The following EBF2 variants were observed in gnomAD, a reference collection of about 807,000 sequenced individuals.
EBF2 encodes the protein EBF transcription factor 2.
In EBF2, 21 loss-of-function variants were observed where a neutral mutation model predicts 72.8. The ratio of observed to expected loss-of-function variants is 0.29; its 90% CI spans 0.20 to 0.42. The LOEUF (loss-of-function observed/expected upper bound fraction) is 0.42. EBF2 is among the 10% of genes least tolerant of loss of function. The pLI is 1.00. For synonymous variants in EBF2, 299 were observed against 274.2 expected, an observed-to-expected ratio of 1.09 and a Z score of -0.89; for missense variants, 637 against 731.2, an observed-to-expected ratio of 0.87 and a Z score of 1.49.
chr8:25,853,526 A>ATAAT lies in EBF2; in HGVS notation c.1529-2769_1529-2766dup, dbSNP rs529064020. On this transcript the variant is annotated intron_variant, in intron 14 of 15. Coordinates refer to ENST00000520164, the MANE Select transcript of EBF2 (RefSeq NM_022659.4). ...AAAACTTAACAGGGCGGGGAAACAT[A>ATAAT]TAATAATCTTTCTTTTCTAAGGGAA... Among the ~76,000 whole-genome samples the ATAAT allele has an allele frequency of 3.6e-3, 542 of 152,206 alleles. 2 individuals carry two copies. The highest frequency in any genetic ancestry group is 6.1e-3 in the Non-Finnish European group (413 of 67,972).
At position 25,895,003 on chromosome 8, in the gene EBF2, C is replaced by T. The variant is rs558639758; in HGVS notation, c.634-5134G>A. Among the ~76,000 whole-genome samples the T allele has an allele frequency of 3.9e-5, 6 of 152,338 alleles. No individual in the cohort carries two copies. In the East Asian group the frequency reaches 1.2e-3, roughly 29 times the overall value. On this transcript the variant is annotated intron_variant, in intron 7 of 15. Coordinates refer to ENST00000520164, the MANE Select transcript of EBF2 (RefSeq NM_022659.4). ...ACGTGTCTTTTCTAAGGCTGTCACT[C>T]TATTGGCACTGCCATTCTGCTGGCA...
chr8:25,985,548 C>T (rs1316551449), intron 6 of EBF2, among the ~76,000 whole-genome samples: 2 of 152,200 alleles, frequency 1.3e-5, no homozygotes, highest in African/African-American at 2.4e-5. Flanking sequence ...CTTAACCTCT[C>T]TGGGTTTCAG....
At chr8:25,848,049 CTT>C (rs1801874690) in intron 15 of EBF2, among the ~76,000 whole-genome samples, 1 of 151,098 alleles carries the variant, frequency 6.6e-6, no homozygotes, top group Non-Finnish European at 1.5e-5. Flanking sequence ...CCTATAAAAA[CTT>C]TTATCTTTTA....
chr8:25,924,669 C>T (rs1450569923), intron 6 of EBF2, among the ~76,000 whole-genome samples: 2 of 152,148 alleles, frequency 1.3e-5, no homozygotes, highest in African/African-American at 2.4e-5. Flanking sequence ...ATTAAATGAA[C>T]CAACACAGAT....
intron 6 of EBF2, among the ~76,000 whole-genome samples, chr8:25,917,175 G>A (rs889194768): frequency 2.1e-5 from 3 of 146,146 alleles, no homozygotes; most frequent in African/African-American, 7.5e-5. Flanking sequence ...ATGTTGTGAG[G>A]TTTTTGTGTG....
intron 5 of EBF2, among the ~76,000 whole-genome samples, chr8:26,033,838 T>TAAAATAA (rs1343447723): frequency 6.6e-6 from 1 of 152,160 alleles, no homozygotes; most frequent in African/African-American, 2.4e-5. Context: ...CCATGTTTTA[T>TAAAATAA]AAAATAAAAA....
At chr8:25,890,805 A>G (rs1802765252) in intron 7 of EBF2, among the ~76,000 whole-genome samples, 1 of 152,244 alleles carries the variant, frequency 6.6e-6, no homozygotes, top group South Asian at 2.1e-4. Context: ...ACCAGTAAGT[A>G]AGTACAGAAT....
chr8:26,009,107 G>GAAAA (rs66503039), intron 6 of EBF2, among the ~76,000 whole-genome samples: 23 of 85,030 alleles, frequency 2.7e-4, no homozygotes, highest in African/African-American at 1.0e-3. Flanking sequence ...GAGTAAAAGC[G>GAAAA]AAAAAAAAAA....
intron 6 of EBF2, among the ~76,000 whole-genome samples, chr8:25,923,166 T>C (rs1359286183): frequency 6.6e-6 from 1 of 152,172 alleles, no homozygotes; most frequent in Non-Finnish European, 1.5e-5. Context: ...CCAGCCACGC[T>C]GGGAGAAAGG....
intron 7 of EBF2, among the ~76,000 whole-genome samples, chr8:25,902,992 A>C (rs1802979461): frequency 6.6e-6 from 1 of 152,202 alleles, no homozygotes; most frequent in Non-Finnish European, 1.5e-5. Context: ...TGGCCTTCTC[A>C]GCCATGCCTT....
intron 6 of EBF2, among the ~76,000 whole-genome samples, chr8:26,019,562 G>A (rs1241988971): frequency 6.6e-6 from 1 of 152,186 alleles, no homozygotes; most frequent in Non-Finnish European, 1.5e-5. Context: ...AGGACCTATA[G>A]GATCATCTGC....
chr8:25,894,454 C>T (rs1933093556), intron 7 of EBF2, among the ~76,000 whole-genome samples: 1 of 152,144 alleles, frequency 6.6e-6, no homozygotes, highest in African/African-American at 2.4e-5. Flanking sequence ...ACTTCTTTCC[C>T]CTAGTGAGTA....
At chr8:25,846,829 C>T (rs1563371792) in intron 15 of EBF2, among the ~76,000 whole-genome samples, 1 of 152,208 alleles carries the variant, frequency 6.6e-6, no homozygotes, top group East Asian at 1.9e-4. Flanking sequence ...TCCCTTCCTC[C>T]TAGTCCTACA....
chr8:26,014,063 AT>A (rs2117237289), intron 6 of EBF2, among the ~76,000 whole-genome samples: 1 of 152,348 alleles, frequency 6.6e-6, no homozygotes, highest in South Asian at 2.1e-4. Context: ...ATTAGGTGAA[AT>A]GAAATTTGAC....
intron 8 of EBF2, among the ~76,000 whole-genome samples, chr8:25,888,459 T>C (rs1028779156): frequency 3.9e-5 from 6 of 152,218 alleles, no homozygotes; most frequent in African/African-American, 1.2e-4. Flanking sequence ...AAAAACTCTG[T>C]TGTTTTTGCC....
At chr8:26,013,374 C>T (rs572139508) in intron 6 of EBF2, among the ~76,000 whole-genome samples, 1 of 152,274 alleles carries the variant, frequency 6.6e-6, no homozygotes, top group Admixed American at 6.5e-5. Flanking sequence ...GTGGTCTTCC[C>T]AGTGGCTCCA....
chr8:26,001,752 TTG>T (rs1225448316), intron 6 of EBF2, among the ~76,000 whole-genome samples: 4 of 152,124 alleles, frequency 2.6e-5, no homozygotes, highest in African/African-American at 9.7e-5. Context: ...TTTCACCATT[TTG>T]GCCAGGCTGG....
intron 6 of EBF2, among the ~76,000 whole-genome samples, chr8:25,951,987 GA>G (rs1209261717): frequency 1.3e-5 from 2 of 151,980 alleles, no homozygotes; most frequent in African/African-American, 4.8e-5. Context: ...GTTCAAAGGG[GA>G]CTCTGTTAAA....
At chr8:25,859,769 T>A (rs1440358600) in intron 13 of EBF2, among the ~76,000 whole-genome samples, 3 of 151,220 alleles carry the variant, frequency 2.0e-5, no homozygotes, top group Non-Finnish European at 4.4e-5. Flanking sequence ...CTGGCTGGAG[T>A]ACAGTGGCAC....
Sources: allele counts gnomAD v4.1 joint callset (sites outside exome capture counted in the v4.1 genomes callset), GRCh38; gene constraint gnomAD v4.1.1; transcripts MANE v1.5; gene names NCBI Gene and HGNC (gene_info 2026-07-23, HGNC 2026-07-21).